Variants in SRR observed in about 807,000 individuals in gnomAD.
SRR encodes serine racemase, also known as D-serine ammonia-lyase.
In SRR, 19 loss-of-function variants were observed where a neutral mutation model predicts 32.7. That is an observed-to-expected ratio of 0.58 (90% CI 0.40 to 0.85). The LOEUF (loss-of-function observed/expected upper bound fraction) is 0.85. Ranked by LOEUF, SRR falls within the 40% of genes least tolerant of loss-of-function variation. SRR has a pLI of 0.00. For synonymous variants in SRR, 142 were observed against 140.9 expected, an observed-to-expected ratio of 1.01 and a Z score of -0.06; for missense variants, 373 against 404.7, an observed-to-expected ratio of 0.92 and a Z score of 0.67.
intron 1 of SRR, among the ~76,000 whole-genome samples, chr17:2,305,988 C>T (rs952384182): frequency 7.3e-5 from 11 of 150,404 alleles, no homozygotes; most frequent in East Asian, 6.1e-4. Context: ...CGTGAGCCAC[C>T]GCGCCCAGCC....
intron 1 of SRR, among the ~76,000 whole-genome samples, chr17:2,310,949 T>A (rs536629415): frequency 1.3e-5 from 2 of 152,048 alleles, no homozygotes; most frequent in Non-Finnish European, 2.9e-5. Flanking sequence ...GGTTTCACCA[T>A]GTTAGCCAGG....
At chr17:2,322,712 T>A (rs56664509) in intron 6 of SRR, 31,698 of 155,870 alleles carry the variant, frequency 0.2, 3,641 homozygotes, top group Admixed American at 0.31. Context: ...GAGACGGGGT[T>A]TCACCGTGTT....
At chr17:2,319,892 C>CA (rs1387442083) in intron 4 of SRR, among the ~76,000 whole-genome samples, 1 of 148,020 alleles carries the variant, frequency 6.8e-6, no homozygotes, top group Admixed American at 6.9e-5. Flanking sequence ...CATCTTGGCT[C>CA]ACTGCAAGCC....
At chr17:2,303,649 C>T (rs1326478862), upstream of SRR, 3 of 1,487,044 alleles carry the variant, frequency 2.0e-6, no homozygotes, top group East Asian at 2.9e-5. Context: ...TCCCGGCCTG[C>T]GGGGCCAGAG....
intron 6 of SRR, 152 bp from the exon 7 acceptor site, chr17:2,322,984 T>G: frequency 2.8e-6 from 2 of 703,162 alleles, no homozygotes; most frequent in South Asian, 3.7e-5. Flanking sequence ...AGGCTGGTCT[T>G]GAACTCCTGA....
chr17:2,306,859 T>G, intron 1 of SRR: 2 of 843,492 alleles, frequency 2.4e-6, no homozygotes, highest in Admixed American at 3.4e-5. Flanking sequence ...GAGGAGCCAT[T>G]CTGAGCAATG....
rs1004488848 is a variant in SRR at position 2,304,006 on chromosome 17, C to G, written c.-16C>G. 1 of 309,180 alleles carries G rather than the reference C, an allele frequency of 3.2e-6. No homozygotes were observed. Among genetic ancestry groups the G allele is most frequent in the Non-Finnish European group, 5.9e-6 (1 of 169,946 alleles). The allele number at this position is 309,180 out of a possible 1,614,324, so 19.2% of individuals were successfully genotyped here. A position where few individuals can be genotyped will look rare whatever the true frequency, so the allele number is the denominator to read the frequency against. On this transcript the variant is annotated 5_prime_UTR_variant, in exon 1 of 8. Transcript: ENST00000344595. ...GAGGCTGGAGCTGGAGGCGCGGCGC[C>G]GGTGAGCTGAGGTGAGGCGAGGCCG...
At chr17:2,304,535 G>T (rs2151426413) in intron 1 of SRR, among the ~76,000 whole-genome samples, 1 of 151,370 alleles carries the variant, frequency 6.6e-6, no homozygotes, top group East Asian at 2.0e-4. Context: ...GAGCCACCGC[G>T]CCCGGCCGCC....
chr17:2,316,287 A>G (rs961350078), intron 2 of SRR, among the ~76,000 whole-genome samples: 1 of 152,188 alleles, frequency 6.6e-6, no homozygotes. Flanking sequence ...CAAATCATGC[A>G]TTTCTCGAAA....
At chr17:2,307,075 A>T in intron 1 of SRR, 1 of 1,152,674 alleles carries the variant, frequency 8.7e-7, no homozygotes, top group Non-Finnish European at 1.3e-6. Context: ...AACTATGGAA[A>T]AGATATTTGT....
intron 1 of SRR, chr17:2,307,612 C>G (rs1967049587): frequency 3.1e-6 from 3 of 967,880 alleles, no homozygotes; most frequent in Non-Finnish European, 4.9e-6. Flanking sequence ...GGCAGAAGCT[C>G]TGGCCCCTAT....
intron 2 of SRR, 79 bp from the exon 3 acceptor site, chr17:2,317,791 T>C (rs1023892947): frequency 1.2e-5 from 17 of 1,474,818 alleles, no homozygotes; most frequent in East Asian, 4.6e-5. Context: ...ATGTTAAGGA[T>C]AGAAAATCTA....
chr17:2,311,314 C>G (rs1027782334), intron 1 of SRR, among the ~76,000 whole-genome samples: 1 of 151,896 alleles, frequency 6.6e-6, no homozygotes, highest in Admixed American at 6.6e-5. Flanking sequence ...TGTGCCCAGC[C>G]GAGGGGGCAT....
Position 2,304,007 on chromosome 17 carries a change from G to C in SRR, c.-15G>C, listed in dbSNP as rs2075353432. 3.3e-6 allele frequency: 1 copy of C among 303,664 alleles called. No individual in the cohort carries two copies. The highest frequency in any genetic ancestry group is 2.2e-5 in the African/African-American group (1 of 44,992). 18.8% of individuals were successfully genotyped at this position (303,664 alleles called of 1,614,324 possible). On this transcript the variant is annotated 5_prime_UTR_variant, in exon 1 of 8. Transcript: ENST00000344595. ...AGGCTGGAGCTGGAGGCGCGGCGCCGGTGAGCTGAGGTGAGGCGAGGCCGG... is the reference window on the plus strand; with the variant it reads ...AGGCTGGAGCTGGAGGCGCGGCGCCCGTGAGCTGAGGTGAGGCGAGGCCGG...
At chr17:2,311,058 T>C (rs1174510636) in intron 1 of SRR, among the ~76,000 whole-genome samples, 1 of 151,962 alleles carries the variant, frequency 6.6e-6, no homozygotes, top group Non-Finnish European at 1.5e-5. Flanking sequence ...TTTTTGTTTT[T>C]TTAATGGAGA....
chr17:2,321,392 A>G lies in SRR; in HGVS notation c.486A>G (p.Gly162=). 4.3e-6 allele frequency: 7 copies of G among 1,612,682 alleles called. No homozygotes were observed. Among genetic ancestry groups the G allele is most frequent in the Non-Finnish European group, 5.9e-6 (7 of 1,179,530 alleles). The change falls in exon 5 of 8, where the codon GGA becomes GGG. Residue 162 remains glycine, a synonymous_variant. Transcript: ENST00000344595. ...ACCAGGAGCCTGCAGTGATAGCTGG[A>G]CAAGGGACAATTGCCCTGGAAGTGC... is the stretch of plus-strand genomic sequence containing the variant. The part of the protein sequence containing the change: ...HPNQEPAVIA[G]QGTIALEVLN...
intron 4 of SRR, among the ~76,000 whole-genome samples, chr17:2,319,820 T>TC (rs2075509587): frequency 9.8e-6 from 1 of 102,068 alleles, no homozygotes; most frequent in South Asian, 3.0e-4. Context: ...ACTTGTCTCT[T>TC]CTTTTTTTTT....
intron 2 of SRR, 85 bp downstream of exon 2, chr17:2,315,813 T>C (rs2075468701): frequency 7.7e-7 from 1 of 1,303,278 alleles, no homozygotes; most frequent in Non-Finnish European, 1.1e-6. Context: ...CCCAATGAGA[T>C]AGGCAGAAGT....
Position 2,324,796 on chromosome 17 carries a change from A to AT in SRR, c.*924dup. 6.2e-7 allele frequency: 1 copy of AT among 1,614,134 alleles called. No homozygotes were observed. Among genetic ancestry groups the AT allele is most frequent in the Non-Finnish European group, 8.5e-7 (1 of 1,180,014 alleles). On this transcript the variant is annotated 3_prime_UTR_variant, in exon 8 of 8. Coordinates refer to ENST00000344595, the MANE Select transcript of SRR (RefSeq NM_021947.3). ...GACCATTCTGTCTGGATCTACTGAC[A>AT]TAAGATGGCCTGTAGCAATGAGGCT...
Sources: gnomAD v4.1 joint callset for allele counts (sites outside exome capture counted in the v4.1 genomes callset) on GRCh38, gnomAD v4.1.1 for gene constraint, MANE v1.5 for transcripts, NCBI Gene and HGNC (gene_info 2026-07-23, HGNC 2026-07-21) for gene names.